Variants in ATF2 observed in about 807,000 individuals in gnomAD.
ATF2 encodes activating transcription factor 2.
ATF2 carries 24 observed loss-of-function variants against 60.6 expected under a neutral mutation model. The observed-to-expected ratio is 0.40, with a 90% confidence interval of 0.29 to 0.56. The LOEUF is 0.56. ATF2 is among the 20% of genes least tolerant of loss of function. The probability of loss-of-function intolerance (pLI) is 0.54; values close to 1 mark genes in which losing one functional copy is unlikely to be tolerated. For synonymous variants in ATF2, 206 were observed against 215.4 expected (o/e 0.96, Z 0.38); for missense variants, 433 against 607.7 (o/e 0.71, Z 3.02).
chr2:175,123,694 A>G (rs1182361690), intron 4 of ATF2, among the ~76,000 whole-genome samples: 1 of 152,062 alleles, frequency 6.6e-6, no homozygotes, highest in Non-Finnish European at 1.5e-5. Flanking sequence ...ATTAAAAGGG[A>G]GAATGCAAGG....
At chr2:175,124,313 T>G (rs1574426220) in intron 4 of ATF2, among the ~76,000 whole-genome samples, 2 of 150,796 alleles carry the variant, frequency 1.3e-5, no homozygotes, top group Non-Finnish European at 1.5e-5. Flanking sequence ...TTTTGATAGG[T>G]GCCTAGCAGG....
chr2:175,161,896 G>C (rs1230545212), intron 1 of ATF2, among the ~76,000 whole-genome samples: 1 of 152,050 alleles, frequency 6.6e-6, no homozygotes, highest in African/African-American at 2.4e-5. Context: ...GAGTAGCTGA[G>C]ATTACAGGCA....
At chr2:175,148,998 T>C (rs1348528368) in intron 2 of ATF2, among the ~76,000 whole-genome samples, 1 of 152,212 alleles carries the variant, frequency 6.6e-6, no homozygotes, top group Non-Finnish European at 1.5e-5. Context: ...GTCTCCTAGG[T>C]TGTGTCATTA....
intron 1 of ATF2, among the ~76,000 whole-genome samples, chr2:175,152,028 G>A (rs1485879394): frequency 6.6e-6 from 1 of 152,094 alleles, no homozygotes; most frequent in South Asian, 2.1e-4. Context: ...AGCTATCGGG[G>A]GGATAGGAAA....
intron 4 of ATF2, among the ~76,000 whole-genome samples, chr2:175,123,616 C>T (rs1697118048): frequency 6.6e-6 from 1 of 151,912 alleles, no homozygotes; most frequent in Non-Finnish European, 1.5e-5. Context: ...CGAAATGGCA[C>T]CAAGTTCAAT....
chr2:175,165,146 C>T (rs779533837), intron 1 of ATF2, among the ~76,000 whole-genome samples: 10 of 152,104 alleles, frequency 6.6e-5, no homozygotes, highest in African/African-American at 2.2e-4. Context: ...TTTTAGGGTA[C>T]ATTTTAATTA....
chr2:175,120,340 A>AT (rs994185976), intron 5 of ATF2, among the ~76,000 whole-genome samples: 3 of 151,496 alleles, frequency 2.0e-5, no homozygotes, highest in Non-Finnish European at 3.0e-5. Context: ...TATAAGTAAC[A>AT]TATCTCTAAG....
chr2:175,126,184 T>C (rs1161361407), intron 4 of ATF2, among the ~76,000 whole-genome samples: 2 of 152,220 alleles, frequency 1.3e-5, no homozygotes, highest in Admixed American at 6.5e-5. Context: ...TATGACTATA[T>C]TGTTTCTCTT....
chr2:175,117,787 G>T (rs540877682), intron 7 of ATF2, among the ~76,000 whole-genome samples: 60 of 151,836 alleles, frequency 4.0e-4, no homozygotes, highest in Non-Finnish European at 5.6e-4. Context: ...TAACATGACT[G>T]TTCTCCCCTA....
At chr2:175,101,901 T>A (rs1695336238) in intron 10 of ATF2, among the ~76,000 whole-genome samples, 1 of 152,134 alleles carries the variant, frequency 6.6e-6, no homozygotes, top group Non-Finnish European at 1.5e-5. Context: ...AAACTGTCCA[T>A]TAATTTTTCT....
intron 5 of ATF2, among the ~76,000 whole-genome samples, chr2:175,118,771 T>C (rs1015776245): frequency 1.3e-5 from 2 of 151,636 alleles, no homozygotes; most frequent in Admixed American, 1.3e-4. Context: ...AGCATGTATA[T>C]CTGCTTTAAC....
intron 13 of ATF2, among the ~76,000 whole-genome samples, chr2:175,079,690 GGT>G (rs1378428994): frequency 2.0e-5 from 3 of 152,078 alleles, no homozygotes; most frequent in African/African-American, 7.2e-5. Context: ...AAGTAAAGAT[GGT>G]GGCCATTAAG....
chr2:175,167,747 A>C, intron 1 of ATF2: 1 of 473,596 alleles, frequency 2.1e-6, no homozygotes, highest in South Asian at 1.5e-5. Context: ...TCTAAGAGGG[A>C]GCCGTTATTC....
intron 1 of ATF2, among the ~76,000 whole-genome samples, chr2:175,151,478 G>A (rs1440193250): frequency 6.6e-6 from 1 of 150,702 alleles, no homozygotes; most frequent in African/African-American, 2.5e-5. Flanking sequence ...AAATGAAAGA[G>A]GAGGAGTCAT....
At position 175,099,024 on chromosome 2, in the gene ATF2, AAAAAG is replaced by A. The variant is rs1173520665; in HGVS notation, c.829-1436_829-1432del. On this transcript the variant is annotated intron_variant, in intron 10 of 13. Coordinates refer to ENST00000264110, the MANE Select transcript of ATF2 (RefSeq NM_001880.4). ...GATTTTTAAAATAAAGTCAATTTGT[AAAAAG>A]AAAAGTTTTTTCTTGAGATATAAGT... Among the ~76,000 whole-genome samples the A allele has an allele frequency of 9.2e-5, 14 of 152,268 alleles. No homozygotes were observed. In the South Asian group the frequency reaches 2.7e-3, roughly 29 times the overall value.
intron 2 of ATF2, 85 bp from the exon 3 acceptor site, chr2:175,136,571 C>A: frequency 1.2e-6 from 1 of 829,214 alleles, no homozygotes; most frequent in South Asian, 1.7e-5. Flanking sequence ...TCAAATTACT[C>A]TCTGTAACAC....
At chr2:175,103,471 A>C (rs998575679) in intron 10 of ATF2, among the ~76,000 whole-genome samples, 4 of 152,068 alleles carry the variant, frequency 2.6e-5, no homozygotes, top group Non-Finnish European at 5.9e-5. Context: ...TGGGCTCATT[A>C]GGTATTTGCT....
chr2:175,130,003 C>T (rs1697615778), intron 4 of ATF2, 135 bp downstream of exon 4: 2 of 644,034 alleles, frequency 3.1e-6, no homozygotes, highest in East Asian at 3.5e-5. Flanking sequence ...CAAAAGTTTC[C>T]TGGGTTTTTT....
At chr2:175,092,733 A>G (rs1694638093) in intron 12 of ATF2, 1 of 369,226 alleles carries the variant, frequency 2.7e-6, no homozygotes, top group Non-Finnish European at 5.0e-6. Context: ...AATAGACAAG[A>G]AAAGTGAAAT....
Sources: gnomAD v4.1 joint callset for allele counts (sites outside exome capture counted in the v4.1 genomes callset) on GRCh38, gnomAD v4.1.1 for gene constraint, MANE v1.5 for transcripts, NCBI Gene and HGNC (gene_info 2026-07-23, HGNC 2026-07-21) for gene names.